The following CSMD1 variants were observed in gnomAD, a reference collection of about 807,000 sequenced individuals.
CSMD1 encodes CUB and Sushi multiple domains 1.
CSMD1 carries 213 observed loss-of-function variants against 417.5 expected under a neutral mutation model. That is an observed-to-expected ratio of 0.51 (90% CI 0.46 to 0.57). The LOEUF (loss-of-function observed/expected upper bound fraction) is 0.57, where lower values mean the gene tolerates loss of function less well. CSMD1 is among the 20% of genes least tolerant of loss of function. CSMD1 has a pLI of 0.00. For missense variants in CSMD1, 6,923 were observed against 4,529.7 expected (o/e 1.53, Z -15.17); for synonymous variants, 2,862 against 1,736.8 (o/e 1.65, Z -16.11).
In CSMD1 at chr8:4,726,396, G is replaced by A. The variant is rs115264590; in HGVS notation, c.86-88838C>T. ...TTCTCTTCTAATGACTAAAAATAGA[G>A]CACTCTACCCTTTAGTGTAGTTCAC... On this transcript the variant is annotated intron_variant, in intron 1 of 69. Coordinates refer to ENST00000635120, the MANE Select transcript of CSMD1 (RefSeq NM_033225.6). 2.6e-4 allele frequency among the ~76,000 whole-genome samples: 39 copies of A among 151,980 alleles called. No homozygotes were observed. In the South Asian group the frequency reaches 8.1e-3, roughly 32 times the overall value.
intron 17 of CSMD1, among the ~76,000 whole-genome samples, chr8:3,394,380 A>C (rs1167335092): frequency 6.6e-6 from 1 of 151,562 alleles, no homozygotes; most frequent in Admixed American, 6.6e-5. Context: ...CAGAAAGAGA[A>C]ATAAGAAGAA....
intron 4 of CSMD1, among the ~76,000 whole-genome samples, chr8:4,017,807 T>C (rs540720665): frequency 4.3e-4 from 65 of 152,292 alleles, no homozygotes; most frequent in Middle Eastern, 3.4e-3. Flanking sequence ...TTGGAAAAGA[T>C]AACATTTCTG....
At chr8:3,846,051 C>T (rs745950008) in intron 5 of CSMD1, among the ~76,000 whole-genome samples, 1 of 150,950 alleles carries the variant, frequency 6.6e-6, no homozygotes, top group Non-Finnish European at 1.5e-5. Context: ...GACTGCTTTA[C>T]AGTTAAAATT....
intron 12 of CSMD1, among the ~76,000 whole-genome samples, chr8:3,421,681 A>G (rs1231774377): frequency 6.6e-6 from 1 of 152,148 alleles, no homozygotes; most frequent in Non-Finnish European, 1.5e-5. Context: ...TCTGTTGCCC[A>G]GACTGCAGTG....
chr8:4,286,040 G>A (rs908504697), intron 3 of CSMD1, among the ~76,000 whole-genome samples: 5 of 152,110 alleles, frequency 3.3e-5, no homozygotes, highest in Non-Finnish European at 7.3e-5. Context: ...TGGCTTAGTG[G>A]AATTTGTAGT....
intron 39 of CSMD1, 28 bp from the exon 40 acceptor site, chr8:3,151,541 G>A (rs781243814): frequency 7.1e-7 from 1 of 1,417,320 alleles, no homozygotes; most frequent in Non-Finnish European, 9.9e-7. Context: ...TGTCAGTCCT[G>A]CAGGTCCTCA....
chr8:3,759,843 G>A (rs1797892003), intron 5 of CSMD1, among the ~76,000 whole-genome samples: 1 of 150,388 alleles, frequency 6.6e-6, no homozygotes, highest in Non-Finnish European at 1.5e-5. Flanking sequence ...GAGAGGCAGA[G>A]GTTGCAGTGA....
In CSMD1 at chr8:2,966,748, T is replaced by G; in HGVS notation, c.8924-2A>C. The G allele has an allele frequency of 6.2e-7, 1 of 1,612,654 alleles. No homozygotes were observed. Among genetic ancestry groups the G allele is most frequent in the Non-Finnish European group, 8.5e-7 (1 of 1,179,336 alleles). On this transcript the variant is annotated splice_acceptor_variant, in intron 57 of 69. Transcript: ENST00000635120. LOFTEE classifies it high-confidence loss of function. ...TGCCAGGGTTGCCACAGGACACGGC[T>G]GTTAGGCAAACAAGAACACCACCAC... is the stretch of plus-strand genomic sequence containing the variant.
At chr8:4,645,573 G>C (rs1342871204) in intron 1 of CSMD1, among the ~76,000 whole-genome samples, 1 of 151,776 alleles carries the variant, frequency 6.6e-6, no homozygotes. Flanking sequence ...ATGAGCCCCA[G>C]TTTCCACAGG....
intron 30 of CSMD1, among the ~76,000 whole-genome samples, chr8:3,209,378 G>A (rs758176954): frequency 1.6e-4 from 25 of 151,932 alleles, no homozygotes; most frequent in Admixed American, 2.0e-4. Flanking sequence ...GTACAGTGGC[G>A]TGATCTCGGC....
chr8:3,606,713 ATT>A lies in CSMD1; in HGVS notation c.1097+9995_1097+9996del, dbSNP rs11335642. On this transcript the variant is annotated intron_variant, in intron 8 of 69. Transcript: ENST00000635120. ...ACTGTAACAATTTTACTTCGTTACA[ATT>A]TTTTTTTTTTTTTTGAGACAGAGTC... Among the ~76,000 whole-genome samples, 247 of 139,986 alleles carry A rather than the reference ATT, an allele frequency of 1.8e-3. 1 individual carries two copies. The highest frequency in any genetic ancestry group is 3.6e-3 in the Admixed American group (51 of 14,108). The allele number at this position is 139,986 out of a possible 152,430, so 91.8% of individuals were successfully genotyped here. A position where few individuals can be genotyped will look rare whatever the true frequency, so the allele number is the denominator to read the frequency against.
intron 3 of CSMD1, among the ~76,000 whole-genome samples, chr8:4,283,533 T>C (rs1239857837): frequency 6.6e-6 from 1 of 152,214 alleles, no homozygotes; most frequent in Non-Finnish European, 1.5e-5. Context: ...GACAATCATT[T>C]TATAGAACTC....
intron 3 of CSMD1, among the ~76,000 whole-genome samples, chr8:4,215,278 T>C (rs1438134989): frequency 6.6e-6 from 1 of 152,194 alleles, no homozygotes. Context: ...TGCTGTACTT[T>C]TCATAATATT....
At chr8:3,573,380 T>A (rs1014225074) in intron 10 of CSMD1, among the ~76,000 whole-genome samples, 3 of 152,184 alleles carry the variant, frequency 2.0e-5, no homozygotes, top group African/African-American at 7.2e-5. Flanking sequence ...AAACAAGGTT[T>A]GTACCACTGT....
chr8:4,276,933 C>T (rs964446590), intron 3 of CSMD1, among the ~76,000 whole-genome samples: 1 of 152,024 alleles, frequency 6.6e-6, no homozygotes, highest in Non-Finnish European at 1.5e-5. Flanking sequence ...TTCAAAGTAG[C>T]CTGTGTATGT....
chr8:4,024,928 G>GA (rs1420620610), intron 4 of CSMD1, among the ~76,000 whole-genome samples: 1 of 125,622 alleles, frequency 8.0e-6, no homozygotes, highest in Non-Finnish European at 1.8e-5. Context: ...AAAAGGTGGT[G>GA]TTCAGGTGAG....
At chr8:4,560,161 C>T (rs1194821456) in intron 2 of CSMD1, among the ~76,000 whole-genome samples, 2 of 152,220 alleles carry the variant, frequency 1.3e-5, no homozygotes, top group Admixed American at 1.3e-4. Flanking sequence ...GAAAACCGCG[C>T]TCATCTCACC....
At chr8:3,812,864 A>G (rs934526129) in intron 5 of CSMD1, among the ~76,000 whole-genome samples, 3 of 152,198 alleles carry the variant, frequency 2.0e-5, no homozygotes, top group Non-Finnish European at 4.4e-5. Flanking sequence ...GAATTGGCCA[A>G]CGAGGACCAG....
rs549952895 is a variant in CSMD1, at chr8:4,068,268, G to C, written c.416-36169C>G. On this transcript the variant is annotated intron_variant, in intron 3 of 69. Coordinates refer to ENST00000635120, the MANE Select transcript of CSMD1 (RefSeq NM_033225.6). ...CCCCTCAAAGGTTGCCCTCCTCGGAGAGTTGAGAAGTCTACTTTGTAGCTG... is the reference window on the plus strand; with the variant it reads ...CCCCTCAAAGGTTGCCCTCCTCGGACAGTTGAGAAGTCTACTTTGTAGCTG... Among the ~76,000 whole-genome samples the C allele has an allele frequency of 2.6e-5, 4 of 152,228 alleles. No homozygotes were observed. The East Asian group carries it at 5.8e-4, about 22-fold the overall frequency.
Sources: gnomAD v4.1 joint callset for allele counts (sites outside exome capture counted in the v4.1 genomes callset) on GRCh38, gnomAD v4.1.1 for gene constraint, MANE v1.5 for transcripts, NCBI Gene and HGNC (gene_info 2026-07-23, HGNC 2026-07-21) for gene names.